Variants in PRKCH observed in about 807,000 individuals in gnomAD.
PRKCH encodes the protein protein kinase C eta.
In PRKCH, 28 loss-of-function variants were observed where a neutral mutation model predicts 82.5. That is an observed-to-expected ratio of 0.34 (90% confidence interval 0.25 to 0.47). PRKCH has a LOEUF of 0.47. Among genes scored for constraint, PRKCH ranks in the 20% least tolerant of loss-of-function variants. PRKCH has a pLI of 1.00. For synonymous variants in PRKCH, 322 were observed against 327.4 expected, an observed-to-expected ratio of 0.98 and a Z score of 0.18; for missense variants, 705 against 881.8, an observed-to-expected ratio of 0.80 and a Z score of 2.54.
At chr14:61,445,419 A>G (rs1303417469) in intron 3 of PRKCH, among the ~76,000 whole-genome samples, 3 of 152,242 alleles carry the variant, frequency 2.0e-5, no homozygotes, top group African/African-American at 4.8e-5. Context: ...ATTTATTGCC[A>G]CTGAGGACTT....
intron 1 of PRKCH, among the ~76,000 whole-genome samples, chr14:61,290,527 A>G (rs946803757): frequency 2.0e-5 from 3 of 152,198 alleles, no homozygotes; most frequent in Admixed American, 6.5e-5. Context: ...CTCTGCCCTG[A>G]TGTCTAAGGA....
At chr14:61,335,164 G>A (rs1698559842) in intron 1 of PRKCH, among the ~76,000 whole-genome samples, 1 of 152,128 alleles carries the variant, frequency 6.6e-6, no homozygotes, top group Admixed American at 6.5e-5. Flanking sequence ...CACCCACAGG[G>A]TTGCCTCTTA....
chr14:61,344,253 A>G (rs1165005276), intron 1 of PRKCH: 2 of 152,156 alleles, frequency 1.3e-5, no homozygotes, highest in Non-Finnish European at 2.9e-5. Context: ...TAAATGTAAA[A>G]TGCCTGGCAC....
chr14:61,231,607 T>C (rs1040097101), intron 1 of PRKCH, among the ~76,000 whole-genome samples: 1 of 151,992 alleles, frequency 6.6e-6, no homozygotes, highest in Non-Finnish European at 1.5e-5. Flanking sequence ...CTCCTGACCT[T>C]GTGATCCGCC....
intron 1 of PRKCH, among the ~76,000 whole-genome samples, chr14:61,338,360 CT>C (rs899676398): frequency 6.6e-6 from 1 of 151,950 alleles, no homozygotes; most frequent in Non-Finnish European, 1.5e-5. Flanking sequence ...TACAGATTTA[CT>C]TTTTTTTGGT....
chr14:61,240,100 T>TA (rs1369962392), intron 1 of PRKCH, among the ~76,000 whole-genome samples: 1 of 152,230 alleles, frequency 6.6e-6, no homozygotes, highest in African/African-American at 2.4e-5. Flanking sequence ...ATCATGGTGA[T>TA]ACGGCTCCAG....
intron 5 of PRKCH, among the ~76,000 whole-genome samples, chr14:61,450,575 A>G (rs557729946): frequency 2.2e-4 from 34 of 152,350 alleles, no homozygotes; most frequent in African/African-American, 7.7e-4. Flanking sequence ...AATATGAAAG[A>G]TGAAGTGAAA....
chr14:61,364,937 G>A (rs2046278272), intron 1 of PRKCH, among the ~76,000 whole-genome samples: 1 of 152,084 alleles, frequency 6.6e-6, no homozygotes, highest in Non-Finnish European at 1.5e-5. Context: ...TGGATGGCTT[G>A]TATGGTTAAA....
chr14:61,326,509 A>G lies in PRKCH; in HGVS notation c.363+4045A>G, dbSNP rs573088024. On this transcript the variant is annotated intron_variant, in intron 1 of 13. Transcript: ENST00000332981. The stretch of plus-strand genomic sequence containing the variant: ...TATTTGTGTTATTCTGATTGTGGCA[A>G]TGATTTCACAGTTATATACATATGT... 3.3e-5 allele frequency among the ~76,000 whole-genome samples: 5 copies of G among 152,320 alleles called. No individual in the cohort carries two copies. In the East Asian group the frequency reaches 5.8e-4, roughly 18 times the overall value.
intron 9 of PRKCH, among the ~76,000 whole-genome samples, chr14:61,464,878 T>C (rs1041532308): frequency 3.3e-5 from 5 of 152,232 alleles, no homozygotes; most frequent in African/African-American, 1.2e-4. Flanking sequence ...AGTAGAATGA[T>C]TTATTAATCC....
chr14:61,263,847 TTGTGTGTGTGTGTGTGTGTG>T (rs56280986), intron 1 of PRKCH, among the ~76,000 whole-genome samples: 2,622 of 143,796 alleles, frequency 0.018, 41 homozygotes, highest in Middle Eastern at 0.031. Context: ...AGTCAGAGTA[TTGTGTGTGTGTGTGTGTGTG>T]TGTGTGTGTG....
At chr14:61,397,323 GA>G (rs2046800739) in intron 2 of PRKCH, among the ~76,000 whole-genome samples, 1 of 152,168 alleles carries the variant, frequency 6.6e-6, no homozygotes, top group Non-Finnish European at 1.5e-5. Flanking sequence ...TCCAGCTTTG[GA>G]CAAGTGGAGT....
intron 9 of PRKCH, among the ~76,000 whole-genome samples, chr14:61,458,871 C>G (rs1884905470): frequency 6.6e-6 from 1 of 152,164 alleles, no homozygotes; most frequent in East Asian, 1.9e-4. Flanking sequence ...ATCCAATCAC[C>G]TCCCACCAGG....
chr14:61,317,062 G>T (rs894524325), upstream of PRKCH, among the ~76,000 whole-genome samples: 1 of 152,210 alleles, frequency 6.6e-6, no homozygotes, highest in Non-Finnish European at 1.5e-5. Flanking sequence ...CACGTCAAAC[G>T]TGTGACTTCA....
intron 10 of PRKCH, among the ~76,000 whole-genome samples, chr14:61,489,542 T>C (rs1886370715): frequency 6.6e-6 from 1 of 152,342 alleles, no homozygotes; most frequent in South Asian, 2.1e-4. Context: ...GCCCAGTTCC[T>C]AGGAGACTCA....
At chr14:61,310,819 G>T (rs2045517611) in intron 1 of PRKCH, among the ~76,000 whole-genome samples, 1 of 152,242 alleles carries the variant, frequency 6.6e-6, no homozygotes, top group South Asian at 2.1e-4. Flanking sequence ...GGACATCCAG[G>T]CATTTCCATA....
intron 1 of PRKCH, among the ~76,000 whole-genome samples, chr14:61,263,434 T>TA (rs1482839020): frequency 6.6e-6 from 1 of 152,098 alleles, no homozygotes; most frequent in Non-Finnish European, 1.5e-5. Flanking sequence ...TACAACCTTG[T>TA]AAAATTGGTA....
intron 5 of PRKCH, among the ~76,000 whole-genome samples, chr14:61,449,922 G>GTC (rs1387416278): frequency 2.0e-5 from 3 of 149,902 alleles, no homozygotes; most frequent in African/African-American, 7.4e-5. Context: ...GTGTGTGTGT[G>GTC]TATGTGTATA....
intron 12 of PRKCH, chr14:61,545,377 G>A (rs976078833): frequency 4.6e-5 from 7 of 152,108 alleles, no homozygotes; most frequent in Non-Finnish European, 8.8e-5. Flanking sequence ...CATTTCATCC[G>A]GCTGTGTATT....
Sources: gnomAD v4.1 joint callset for allele counts (sites outside exome capture counted in the v4.1 genomes callset) on GRCh38, gnomAD v4.1.1 for gene constraint, MANE v1.5 for transcripts, NCBI Gene and HGNC (gene_info 2026-07-23, HGNC 2026-07-21) for gene names.